The following CPED1 variants were observed in gnomAD, a reference collection of about 807,000 sequenced individuals.
The protein encoded by CPED1 is cadherin like and PC-esterase domain containing 1.
In CPED1, 114 loss-of-function variants were observed where a neutral mutation model predicts 128.2. The ratio of observed to expected loss-of-function variants is 0.89; its 90% CI spans 0.76 to 1.04. The LOEUF is 1.04. Among genes scored for constraint, CPED1 ranks in the 50% least tolerant of loss-of-function variants. The pLI, the probability that CPED1 is intolerant of heterozygous loss-of-function variation, is 0.00. For missense variants in CPED1, 1,211 were observed against 1,207.1 expected, an observed-to-expected ratio of 1.00 and a Z score of -0.05; for synonymous variants, 462 against 426.7, an observed-to-expected ratio of 1.08 and a Z score of -1.02.
At chr7:121,063,847 A>C (rs1793749745) in intron 4 of CPED1, among the ~76,000 whole-genome samples, 1 of 152,202 alleles carries the variant, frequency 6.6e-6, no homozygotes, top group Non-Finnish European at 1.5e-5. Flanking sequence ...TAATCCCTTC[A>C]GTATGAAGTG....
At chr7:121,099,037 T>A (rs1046141956) in intron 6 of CPED1, among the ~76,000 whole-genome samples, 3 of 151,250 alleles carry the variant, frequency 2.0e-5, no homozygotes, top group African/African-American at 7.3e-5. Flanking sequence ...TTTAATTTTT[T>A]AATATTTCAT....
intron 22 of CPED1, among the ~76,000 whole-genome samples, chr7:121,289,401 A>T (rs1029885459): frequency 1.3e-5 from 2 of 152,204 alleles, no homozygotes; most frequent in African/African-American, 4.8e-5. Context: ...AGTTACAAGA[A>T]TACATTAAAA....
At chr7:121,152,606 C>G (rs986920555) in intron 16 of CPED1, among the ~76,000 whole-genome samples, 1 of 152,130 alleles carries the variant, frequency 6.6e-6, no homozygotes, top group Non-Finnish European at 1.5e-5. Context: ...TTGTGAAGAT[C>G]TTGGAACAGT....
At chr7:121,241,136 G>A in intron 17 of CPED1, among the ~76,000 whole-genome samples, 1 of 54,346 alleles carries the variant, frequency 1.8e-5, no homozygotes, top group South Asian at 5.2e-4. Flanking sequence ...GAGGTCAGGA[G>A]ATCGAGACCA....
chr7:121,151,605 C>G (rs1242845733), intron 16 of CPED1, among the ~76,000 whole-genome samples: 3 of 152,126 alleles, frequency 2.0e-5, no homozygotes, highest in Admixed American at 2.0e-4. Flanking sequence ...TAATATTTGC[C>G]TTAGAAATAA....
At chr7:121,139,641 A>G (rs1010626452) in intron 14 of CPED1, among the ~76,000 whole-genome samples, 7 of 152,106 alleles carry the variant, frequency 4.6e-5, no homozygotes, top group African/African-American at 1.7e-4. Flanking sequence ...TGTTTGCCTT[A>G]TTGGGAGCTT....
intron 16 of CPED1, among the ~76,000 whole-genome samples, chr7:121,184,658 TAATC>T (rs1439330818): frequency 1.1e-4 from 16 of 152,284 alleles, no homozygotes; most frequent in South Asian, 2.1e-4. Flanking sequence ...ACAATTGCCT[TAATC>T]AAATTCTGGC....
chr7:121,222,941 CT>C (rs990571482), intron 16 of CPED1, among the ~76,000 whole-genome samples: 36 of 152,272 alleles, frequency 2.4e-4, no homozygotes, highest in African/African-American at 8.2e-4. Flanking sequence ...AACTAATACC[CT>C]TTATTTCTTT....
chr7:121,293,682 G>A (rs1348671463), intron 22 of CPED1, among the ~76,000 whole-genome samples: 2 of 152,108 alleles, frequency 1.3e-5, no homozygotes, highest in Non-Finnish European at 2.9e-5. Context: ...CGAAGACTGG[G>A]GTAAAAGCAT....
chr7:121,112,442 A>G (rs1795135639), intron 7 of CPED1, among the ~76,000 whole-genome samples: 1 of 150,382 alleles, frequency 6.6e-6, no homozygotes, highest in Non-Finnish European at 1.5e-5. Context: ...AGATGAAGAC[A>G]GACAGTAGAG....
intron 14 of CPED1, among the ~76,000 whole-genome samples, chr7:121,138,275 A>G (rs1795826073): frequency 6.6e-6 from 1 of 152,016 alleles, no homozygotes. Flanking sequence ...CAGCTTTCCC[A>G]TATATACTTG....
intron 3 of CPED1, among the ~76,000 whole-genome samples, chr7:121,031,446 C>T (rs1017880939): frequency 6.6e-6 from 1 of 152,130 alleles, no homozygotes; most frequent in East Asian, 1.9e-4. Context: ...TTCCACCACA[C>T]CCAGCTAATT....
chr7:121,112,043 G>A (rs1795125149), intron 7 of CPED1, among the ~76,000 whole-genome samples: 1 of 152,156 alleles, frequency 6.6e-6, no homozygotes, highest in Non-Finnish European at 1.5e-5. Context: ...GGGCCACTGG[G>A]ATGACTTGGC....
intron 3 of CPED1, among the ~76,000 whole-genome samples, chr7:121,040,449 T>C (rs955243651): frequency 2.6e-5 from 4 of 152,048 alleles, no homozygotes; most frequent in African/African-American, 7.2e-5. Context: ...AGGAATTGGT[T>C]AATGCAACTT....
At chr7:121,064,642 G>C (rs974588918) in intron 5 of CPED1, among the ~76,000 whole-genome samples, 4 of 151,824 alleles carry the variant, frequency 2.6e-5, no homozygotes, top group African/African-American at 9.7e-5. Context: ...GTAACACTTG[G>C]GGGTTTTTAT....
intron 18 of CPED1, among the ~76,000 whole-genome samples, chr7:121,245,639 G>A (rs147758608): frequency 1.3e-3 from 190 of 151,968 alleles, no homozygotes; most frequent in African/African-American, 4.5e-3. Flanking sequence ...GATAAGTAAA[G>A]CTCAGAGAGA....
At chr7:121,210,530 T>C (rs571809970) in intron 16 of CPED1, among the ~76,000 whole-genome samples, 25 of 152,104 alleles carry the variant, frequency 1.6e-4, no homozygotes, top group African/African-American at 5.5e-4. Flanking sequence ...TGGAAGACAT[T>C]ATGCAAAATG....
intron 16 of CPED1, among the ~76,000 whole-genome samples, chr7:121,202,391 G>T (rs1272433899): frequency 6.6e-6 from 1 of 152,114 alleles, no homozygotes; most frequent in Admixed American, 6.6e-5. Flanking sequence ...TAAAAGCTAT[G>T]CTCCCTGCTT....
chr7:121,238,892 A>T (rs1798323218), intron 17 of CPED1, among the ~76,000 whole-genome samples: 1 of 152,020 alleles, frequency 6.6e-6, no homozygotes, highest in Admixed American at 6.6e-5. Flanking sequence ...GTCTAATATA[A>T]GATTTTAAAA....
Sources: gnomAD v4.1 joint callset for allele counts (sites outside exome capture counted in the v4.1 genomes callset) on GRCh38, gnomAD v4.1.1 for gene constraint, MANE v1.5 for transcripts, NCBI Gene and HGNC (gene_info 2026-07-23, HGNC 2026-07-21) for gene names.